PDXDC1: variants seen among roughly 807,000 people sequenced by gnomAD.
PDXDC1 encodes the protein pyridoxal dependent decarboxylase domain containing 1.
A neutral mutation model predicts 100.1 loss-of-function variants in PDXDC1; 42 were observed. The observed-to-expected ratio is 0.42, with a 90% CI of 0.33 to 0.54. PDXDC1 has a LOEUF of 0.54. Among genes scored for constraint, PDXDC1 ranks in the 20% least tolerant of loss-of-function variants. The pLI, the probability that PDXDC1 is intolerant of heterozygous loss-of-function variation, is 0.10. For synonymous variants in PDXDC1, 260 were observed against 371.7 expected (o/e 0.70, Z 3.46); for missense variants, 636 against 979.2 (o/e 0.65, Z 4.68).
chr16:15,064,163 G>A (rs957301761), intron 16 of PDXDC1, among the ~76,000 whole-genome samples: 1 of 151,740 alleles, frequency 6.6e-6, no homozygotes, highest in Admixed American at 6.6e-5. Context: ...TAGATAAATC[G>A]CTTTTTGTTT....
chr16:15,130,973 C>G (rs1212310023), intron 16 of PDXDC1: 1 of 782,826 alleles, frequency 1.3e-6, no homozygotes, highest in African/African-American at 1.7e-5. Context: ...CCCCCAGCAG[C>G]CCATGAAACA....
At chr16:15,083,142 A>C (rs1173606405) in intron 16 of PDXDC1, among the ~76,000 whole-genome samples, 1 of 152,180 alleles carries the variant, frequency 6.6e-6, no homozygotes, top group Non-Finnish European at 1.5e-5. Flanking sequence ...ACAGTGGTTC[A>C]CTAATCCCAG....
At chr16:15,122,972 T>C (rs2047512191) in intron 16 of PDXDC1, among the ~76,000 whole-genome samples, 1 of 150,636 alleles carries the variant, frequency 6.6e-6, no homozygotes, top group South Asian at 2.1e-4. Context: ...AATTAAGTTC[T>C]CAAGCGCTGG....
At chr16:15,065,937 G>A (rs1164389100) in intron 16 of PDXDC1, among the ~76,000 whole-genome samples, 1 of 152,236 alleles carries the variant, frequency 6.6e-6, no homozygotes, top group Non-Finnish European at 1.5e-5. Context: ...AGTGAGAACA[G>A]TTAAATGCAT....
At chr16:14,986,878 C>T (rs1326238565) in intron 1 of PDXDC1, among the ~76,000 whole-genome samples, 4 of 152,276 alleles carry the variant, frequency 2.6e-5, no homozygotes, top group Admixed American at 2.6e-4. Flanking sequence ...TCCTGAGTAG[C>T]TGGGACTACA....
At chr16:15,046,972 AC>A (rs1374084367) in intron 16 of PDXDC1, among the ~76,000 whole-genome samples, 1 of 151,882 alleles carries the variant, frequency 6.6e-6, no homozygotes, top group Non-Finnish European at 1.5e-5. Context: ...CCGCCTCACC[AC>A]CCAACACCCC....
intron 16 of PDXDC1, among the ~76,000 whole-genome samples, chr16:15,063,704 C>CAAAAAAAAAAAAA (rs10664930): frequency 1.1e-5 from 1 of 89,092 alleles, no homozygotes; most frequent in Non-Finnish European, 2.0e-5. Flanking sequence ...GACTCTGTCT[C>CAAAAAAAAAAAAA]AAAAAAAAAA....
chr16:15,125,833 G>A (rs546595783), intron 16 of PDXDC1: 102 of 924,404 alleles, frequency 1.1e-4, no homozygotes, highest in South Asian at 9.4e-4. Context: ...AGTGGTCAGC[G>A]GGCGGCAGCT....
At chr16:14,976,672 T>G (rs1966852160) in intron 1 of PDXDC1, 1 of 152,678 alleles carries the variant, frequency 6.5e-6, no homozygotes, top group African/African-American at 2.4e-5. Context: ...TCTCTGGACA[T>G]AGTTTTGATT....
At position 15,033,626 on chromosome 16, in the gene PDXDC1, C is replaced by A. The variant is rs73525484; in HGVS notation, c.1812+227C>A. 6.8e-3 allele frequency among the ~76,000 whole-genome samples: 1,032 copies of A among 152,310 alleles called. 7 individuals carry two copies. Among genetic ancestry groups the A allele is most frequent in the African/African-American group, 0.023 (949 of 41,570 alleles). ...AGCTCAGGGGGAAAGATCCACATAG[C>A]CACGCTGTGTAGTAACCCTGCCTTA... On this transcript the variant is annotated intron_variant, in intron 19 of 22. Coordinates refer to ENST00000396410, the MANE Select transcript of PDXDC1 (RefSeq NM_015027.4).
At chr16:15,094,894 G>C (rs1326218072) in intron 16 of PDXDC1, 1 of 152,460 alleles carries the variant, frequency 6.6e-6, no homozygotes, top group East Asian at 1.9e-4. Flanking sequence ...GTGGAGTGCA[G>C]TGGTGTGATC....
downstream of PDXDC1, among the ~76,000 whole-genome samples, chr16:15,143,206 C>T (rs1390190780): frequency 6.6e-6 from 1 of 152,142 alleles, no homozygotes; most frequent in Non-Finnish European, 1.5e-5. Flanking sequence ...CAGCGGGCTC[C>T]TTAGCGGCTG....
chr16:15,124,010 T>C (rs1044770656), intron 16 of PDXDC1, among the ~76,000 whole-genome samples: 3 of 152,032 alleles, frequency 2.0e-5, no homozygotes, highest in African/African-American at 7.3e-5. Flanking sequence ...GTGTGGACTT[T>C]AAATTCTGAA....
intron 16 of PDXDC1, among the ~76,000 whole-genome samples, chr16:15,083,264 T>C (rs2045778094): frequency 6.6e-6 from 1 of 152,068 alleles, no homozygotes; most frequent in Non-Finnish European, 1.5e-5. Context: ...CTGGGCATGG[T>C]GGTAGGCGCC....
At chr16:15,063,906 T>C (rs964510951) in intron 16 of PDXDC1, among the ~76,000 whole-genome samples, 2 of 152,138 alleles carry the variant, frequency 1.3e-5, no homozygotes, top group African/African-American at 4.8e-5. Flanking sequence ...ATACAGTATA[T>C]CCAAATGGAA....
downstream of PDXDC1, chr16:15,040,126 A>T: frequency 3.3e-6 from 3 of 909,306 alleles, no homozygotes; most frequent in South Asian, 2.8e-5. Flanking sequence ...AAGTCTGCAC[A>T]GTCTTACATT....
rs201920907 is a variant in PDXDC1 at position 15,107,403 on chromosome 16, C to T, written c.1400-31476C>T. ...TCTGACACCTGCCTCTCCTTTTCTC[C>T]GTGCTCACGTTCTTTCATGCTTAGT... On this transcript the variant is annotated intron_variant, in intron 16 of 16. Transcript: ENST00000535621. The T allele has an allele frequency of 4.3e-5, 25 of 582,944 alleles. 9 individuals carry two copies. Among genetic ancestry groups the T allele is most frequent in the Non-Finnish European group, 6.3e-5 (24 of 379,804 alleles). 36.1% of individuals were successfully genotyped at this position (582,944 alleles called of 1,614,324 possible).
In PDXDC1 at chr16:15,038,063, A is replaced by C. The variant is rs2043606476; in HGVS notation, c.*1788A>C. On this transcript the variant is annotated 3_prime_UTR_variant, in exon 23 of 23. Transcript: ENST00000396410. ...CCTGGAGAAGAGATCTTTTCCCACAAGCCATCTTCATTTTTTTTGTAGAGT... is the reference window on the plus strand; with the variant it reads ...CCTGGAGAAGAGATCTTTTCCCACACGCCATCTTCATTTTTTTTGTAGAGT... 6.2e-7 allele frequency: 1 copy of C among 1,612,664 alleles called. No homozygotes were observed. Among genetic ancestry groups the C allele is most frequent in the East Asian group, 2.2e-5 (1 of 44,862 alleles).
At chr16:15,115,052 C>T (rs1196523780) in intron 16 of PDXDC1, among the ~76,000 whole-genome samples, 1 of 148,686 alleles carries the variant, frequency 6.7e-6, no homozygotes, top group Non-Finnish European at 1.5e-5. Context: ...TCTCCTGCCT[C>T]AGCCTCCCGA....
Sources: gnomAD v4.1 joint callset for allele counts (sites outside exome capture counted in the v4.1 genomes callset) on GRCh38, gnomAD v4.1.1 for gene constraint, MANE v1.5 for transcripts, NCBI Gene and HGNC (gene_info 2026-07-23, HGNC 2026-07-21) for gene names.